The following ADAMTS16 variants were observed in gnomAD, a reference collection of about 807,000 sequenced individuals.
The protein encoded by ADAMTS16 is A disintegrin and metalloproteinase with thrombospondin motifs 16.
Under a neutral mutation model 145.8 loss-of-function variants are expected in ADAMTS16, and 94 were observed. The observed-to-expected ratio is 0.64, with a 90% CI of 0.55 to 0.77. The LOEUF is 0.77. Ranked by LOEUF, ADAMTS16 falls within the 30% of genes least tolerant of loss-of-function variation. ADAMTS16 has a pLI of 0.00. For missense variants in ADAMTS16, 1,585 were observed against 1,591.5 expected, an observed-to-expected ratio of 1.00 and a Z score of 0.07; for synonymous variants, 659 against 604.3, an observed-to-expected ratio of 1.09 and a Z score of -1.33.
intron 18 of ADAMTS16, among the ~76,000 whole-genome samples, chr5:5,277,696 C>G (rs989593219): frequency 6.6e-6 from 1 of 152,142 alleles, no homozygotes; most frequent in Non-Finnish European, 1.5e-5. Flanking sequence ...AAAGACTAAG[C>G]TGGGTGTGGC....
chr5:5,143,972 C>T (rs1376989886), intron 2 of ADAMTS16, among the ~76,000 whole-genome samples: 1 of 144,256 alleles, frequency 6.9e-6, no homozygotes, highest in African/African-American at 2.7e-5. Context: ...ACACACCGGG[C>T]TTGTTGGGGG....
intron 18 of ADAMTS16, among the ~76,000 whole-genome samples, chr5:5,266,765 T>C (rs554614838): frequency 1.3e-5 from 2 of 152,322 alleles, no homozygotes; most frequent in East Asian, 1.9e-4. Flanking sequence ...AGGTAGAACA[T>C]GCTCAACAGA....
Position 5,303,347 on chromosome 5 carries a change from C to A in ADAMTS16, c.2869C>A (p.Arg957=). 6.2e-7 allele frequency: 1 copy of A among 1,604,738 alleles called. No homozygotes were observed. Among genetic ancestry groups the A allele is most frequent in the South Asian group, 1.1e-5 (1 of 89,530 alleles). ...AQSRPVQCTR[R]VHYDSEPVPA... Reference sequence around the variant, plus strand: ...GAGCCGCCCCGTGCAGTGCACACGGCGGGTGCACTATGACTCGGAGCCAGT... The same window carrying A: ...GAGCCGCCCCGTGCAGTGCACACGGAGGGTGCACTATGACTCGGAGCCAGT... Residue 957 remains arginine (R), a synonymous_variant, in exon 19 of 23, where the codon CGG becomes AGG. Coordinates refer to ENST00000274181, the MANE Select transcript of ADAMTS16 (RefSeq NM_139056.4).
chr5:5,189,370 A>G (rs896730139), intron 6 of ADAMTS16, among the ~76,000 whole-genome samples: 24 of 152,262 alleles, frequency 1.6e-4, no homozygotes, highest in African/African-American at 5.5e-4. Context: ...TAATGGAGAC[A>G]GAGGAGGTTG....
At chr5:5,213,197 TC>T (rs2126324789) in intron 10 of ADAMTS16, among the ~76,000 whole-genome samples, 1 of 152,328 alleles carries the variant, frequency 6.6e-6, no homozygotes, top group African/African-American at 2.4e-5. Context: ...AATTAAACCA[TC>T]TTTTATATTT....
intron 10 of ADAMTS16, among the ~76,000 whole-genome samples, chr5:5,214,078 CAG>C (rs375180058): frequency 2.8e-4 from 43 of 152,328 alleles, no homozygotes; most frequent in African/African-American, 5.5e-4. Flanking sequence ...TGCTCCCAGG[CAG>C]AGAGGTGGGC....
chr5:5,216,738 C>T (rs1300746170), intron 10 of ADAMTS16, among the ~76,000 whole-genome samples: 4 of 140,890 alleles, frequency 2.8e-5, no homozygotes, highest in Admixed American at 2.1e-4. Flanking sequence ...GTATATCTCC[C>T]GATGCTATCC....
intron 17 of ADAMTS16, among the ~76,000 whole-genome samples, chr5:5,244,421 C>T (rs1488254215): frequency 6.6e-6 from 1 of 152,182 alleles, no homozygotes; most frequent in Non-Finnish European, 1.5e-5. Context: ...AAACCTTCGA[C>T]AGGGTAAGGG....
chr5:5,238,586 A>G (rs1737183221), intron 14 of ADAMTS16, among the ~76,000 whole-genome samples: 1 of 149,434 alleles, frequency 6.7e-6, no homozygotes, highest in Non-Finnish European at 1.5e-5. Flanking sequence ...TTGCTTCTGA[A>G]TGGATTTTTT....
chr5:5,202,431 A>G (rs562801468), intron 9 of ADAMTS16, among the ~76,000 whole-genome samples: 2 of 152,344 alleles, frequency 1.3e-5, no homozygotes, highest in African/African-American at 4.8e-5. Flanking sequence ...TACAACTGAC[A>G]TGATGCATAG....
At chr5:5,147,016 C>T (rs142978167) in intron 3 of ADAMTS16, among the ~76,000 whole-genome samples, 146 of 152,184 alleles carry the variant, frequency 9.6e-4, no homozygotes, top group African/African-American at 3.4e-3. Context: ...TCCTGCATAT[C>T]GGGTTTGGAA....
chr5:5,317,702 A>G lies in ADAMTS16; in HGVS notation c.3412-432A>G, dbSNP rs1734110949. On this transcript the variant is annotated intron_variant, in intron 21 of 22. Coordinates refer to ENST00000274181, the MANE Select transcript of ADAMTS16 (RefSeq NM_139056.4). The surrounding 1 kb of genome is among the most constrained non-coding windows in gnomAD (Gnocchi z 4.5). ...CATGAGCCACCGTGCCCGGCAGTAT[A>G]TTTACTTTTTTAAAAAGTGAACTCA... Among the ~76,000 whole-genome samples the G allele has an allele frequency of 6.6e-6, 1 of 151,942 alleles. No individual in the cohort carries two copies. Among genetic ancestry groups the G allele is most frequent in the Admixed American group, 6.6e-5 (1 of 15,254 alleles).
At chr5:5,256,438 T>A (rs1262512462) in intron 17 of ADAMTS16, among the ~76,000 whole-genome samples, 2 of 152,184 alleles carry the variant, frequency 1.3e-5, no homozygotes, top group Non-Finnish European at 2.9e-5. Flanking sequence ...AAACACAGTG[T>A]TTTTCATTGA....
intron 17 of ADAMTS16, among the ~76,000 whole-genome samples, chr5:5,243,841 T>C (rs16875128): frequency 0.18 from 27,158 of 152,132 alleles, 2,481 homozygotes; most frequent in East Asian, 0.28. Context: ...GGCTAGTTGT[T>C]TCAGTATCCT....
At chr5:5,236,877 G>A (rs1423848423) in intron 13 of ADAMTS16, 92 bp from the exon 14 acceptor site, 2 of 1,453,242 alleles carry the variant, frequency 1.4e-6, no homozygotes, top group South Asian at 2.9e-5. Flanking sequence ...TTTTATGGGG[G>A]AAGAAAGAAA....
At chr5:5,175,228 C>G (rs574582948) in intron 3 of ADAMTS16, among the ~76,000 whole-genome samples, 13 of 152,268 alleles carry the variant, frequency 8.5e-5, no homozygotes, top group African/African-American at 3.1e-4. Flanking sequence ...GGAGATGAAT[C>G]CTGACAGGAC....
At chr5:5,212,612 A>G (rs1028826241) in intron 10 of ADAMTS16, among the ~76,000 whole-genome samples, 1 of 152,034 alleles carries the variant, frequency 6.6e-6, no homozygotes, top group South Asian at 2.1e-4. Flanking sequence ...ACATCAGCTC[A>G]CTTAGGATTG....
chr5:5,221,934 C>T (rs1736616083), intron 10 of ADAMTS16, among the ~76,000 whole-genome samples: 1 of 152,198 alleles, frequency 6.6e-6, no homozygotes, highest in Non-Finnish European at 1.5e-5. Flanking sequence ...GGGAATAATG[C>T]AGCACTTGTT....
intron 16 of ADAMTS16, among the ~76,000 whole-genome samples, chr5:5,241,403 A>G (rs1356179373): frequency 6.6e-6 from 1 of 152,190 alleles, no homozygotes; most frequent in Non-Finnish European, 1.5e-5. Context: ...TTTACTAATA[A>G]AACACCTTTT....
Sources: allele counts gnomAD v4.1 joint callset (sites outside exome capture counted in the v4.1 genomes callset), GRCh38; gene constraint gnomAD v4.1.1; non-coding constraint Gnocchi (gnomAD v3.1); transcripts MANE v1.5; gene names NCBI Gene and HGNC (gene_info 2026-07-23, HGNC 2026-07-21).